LRRN3: variants seen among roughly 807,000 people sequenced by gnomAD.
LRRN3 encodes leucine rich repeat neuronal 3.
In LRRN3, 15 loss-of-function variants were observed where a neutral mutation model predicts 40.1. That is an observed-to-expected ratio of 0.37 (90% confidence interval 0.25 to 0.58). LRRN3 has a LOEUF of 0.58. Ranked by LOEUF, LRRN3 falls within the 20% of genes least tolerant of loss-of-function variation. The probability of loss-of-function intolerance (pLI) is 0.72; values close to 1 mark genes in which losing one functional copy is unlikely to be tolerated. For missense variants in LRRN3, 746 were observed against 837.7 expected (o/e 0.89, Z 1.35); for synonymous variants, 308 against 297.2 (o/e 1.04, Z -0.37).
At chr7:111,096,112 T>C (rs1221014957) in intron 1 of LRRN3, among the ~76,000 whole-genome samples, 1 of 152,076 alleles carries the variant, frequency 6.6e-6, no homozygotes, top group Admixed American at 6.6e-5. Context: ...TAATTGTGAA[T>C]ATTTGTTTAA....
intron 2 of LRRN3, among the ~76,000 whole-genome samples, chr7:111,112,440 G>T (rs1237454776): frequency 1.3e-5 from 2 of 152,150 alleles, no homozygotes; most frequent in African/African-American, 2.4e-5. Context: ...GTTAGGGAAA[G>T]AGCTCATGTC....
At chr7:111,116,913 T>C (rs1799945518) in intron 2 of LRRN3, among the ~76,000 whole-genome samples, 1 of 152,174 alleles carries the variant, frequency 6.6e-6, no homozygotes, top group African/African-American at 2.4e-5. Context: ...GACTGAGCTT[T>C]AGAGGCAAAA....
chr7:111,111,102 A>G (rs1475671208), intron 2 of LRRN3, among the ~76,000 whole-genome samples: 1 of 152,168 alleles, frequency 6.6e-6, no homozygotes, highest in Non-Finnish European at 1.5e-5. Context: ...TTTGTCACTT[A>G]GCTTTCACCT....
rs201925401 is a variant in LRRN3 at position 111,105,760 on chromosome 7, G to GA, written c.-359+5807dup. Among the ~76,000 whole-genome samples, 124 of 150,592 alleles carry GA rather than the reference G, an allele frequency of 8.2e-4. 1 individual carries two copies. The highest frequency in any genetic ancestry group is 3.4e-3 in the Middle Eastern group (1 of 292). On this transcript the variant is annotated intron_variant, in intron 2 of 2. Transcript: ENST00000308478. ...TAACAATTTATGCAAAAGGTGAAAAGAAAAAAAAATCCATAAAAATATAAA... is the reference window on the plus strand; with the variant it reads ...TAACAATTTATGCAAAAGGTGAAAAGAAAAAAAAAATCCATAAAAATATAAA...
At position 111,123,931 on chromosome 7, in the gene LRRN3, C is replaced by A. The variant is rs1167488652; in HGVS notation, c.1159C>A (p.Arg387=). 7 of 1,613,962 alleles carry A rather than the reference C, an allele frequency of 4.3e-6. No homozygotes were observed. The highest frequency in any genetic ancestry group is 5.9e-6 in the Non-Finnish European group (7 of 1,179,992). Residue 387 remains arginine, a synonymous_variant, in exon 3 of 3, where the codon CGA becomes AGA. Transcript: ENST00000308478. The surrounding 1 kb of genome is among the most constrained non-coding windows in gnomAD (Gnocchi z 6.4). The part of the protein sequence containing the change: ...RWMNMNKTNI[R]FMEPDSLFCV... ...GATGAACATGAACAAAACCAACATTCGATTCATGGAGCCAGATTCACTGTT... is the reference window on the plus strand; with the variant it reads ...GATGAACATGAACAAAACCAACATTAGATTCATGGAGCCAGATTCACTGTT...
rs191501993 is a variant in LRRN3 at position 111,122,000 on chromosome 7, G to A, written c.-358-415G>A. 3.7e-3 allele frequency among the ~76,000 whole-genome samples: 555 copies of A among 150,138 alleles called. 2 individuals are homozygous for A. Among genetic ancestry groups the A allele is most frequent in the Middle Eastern group, 0.017 (5 of 288 alleles). ...AGGACAAAAAAACCAAACACCACAT[G>A]TTCTCACTCATAGTTGGGAACTGAA... On this transcript the variant is annotated intron_variant, in intron 2 of 2. Transcript: ENST00000308478.
intron 2 of LRRN3, among the ~76,000 whole-genome samples, chr7:111,115,166 C>T (rs143379863): frequency 1.3e-3 from 191 of 152,254 alleles, no homozygotes; most frequent in African/African-American, 4.3e-3. Flanking sequence ...AAAGGCAAAT[C>T]AGGCAATCAA....
chr7:111,124,950 A>C lies in LRRN3; in HGVS notation c.*51A>C. ...AAATGAACAAAAAAAAAAAAAGCGA[A>C]AGACTGCAGTTGTGCTAAAAACAAA... On this transcript the variant is annotated 3_prime_UTR_variant, in exon 3 of 3. Coordinates refer to ENST00000308478, the MANE Select transcript of LRRN3 (RefSeq NM_001099658.2). 1 of 1,260,012 alleles carries C rather than the reference A, an allele frequency of 7.9e-7. No homozygotes were observed. The highest frequency in any genetic ancestry group is 1.1e-6 in the Non-Finnish European group (1 of 910,026). 78.1% of individuals were successfully genotyped at this position (1,260,012 alleles called of 1,614,324 possible). A position where few individuals can be genotyped will look rare whatever the true frequency, so the allele number is the denominator to read the frequency against.
intron 2 of LRRN3, among the ~76,000 whole-genome samples, chr7:111,110,769 T>A (rs1333231956): frequency 1.3e-5 from 2 of 152,176 alleles, no homozygotes; most frequent in East Asian, 3.8e-4. Flanking sequence ...ATACCAGTTA[T>A]TTAATTATAA....
rs1563267841 is a variant in LRRN3, at chr7:111,122,822, C to T, written c.50C>T (p.Thr17Ile). ...CATGTGCTACTTGGCCTAGCTATCA[C>T]TACACTAGTACAAGCTGTAGATAAA... ...RIHVLLGLAI[T>I]TLVQAVDKKV... is the part of the protein sequence containing the mutation. Residue 17 changes from threonine (T) to isoleucine (I), a missense_variant, in exon 3 of 3, where the codon ACT (threonine) becomes ATT (isoleucine). Coordinates refer to ENST00000308478, the MANE Select transcript of LRRN3 (RefSeq NM_001099658.2). The T allele has an allele frequency of 3.1e-6, 5 of 1,613,862 alleles. No homozygotes were observed. The highest frequency in any genetic ancestry group is 4.2e-6 in the Non-Finnish European group (5 of 1,179,874).
At chr7:111,103,974 T>A (rs2129580828) in intron 2 of LRRN3, among the ~76,000 whole-genome samples, 1 of 151,592 alleles carries the variant, frequency 6.6e-6, no homozygotes, top group Non-Finnish European at 1.5e-5. Flanking sequence ...ATTCAAGAAA[T>A]TTTAGGGTTA....
rs759499803 is a variant in LRRN3 at position 111,124,497 on chromosome 7, C to T, written c.1725C>T (p.Val575=). 1.2e-6 allele frequency: 2 copies of T among 1,613,846 alleles called. No individual in the cohort carries two copies. Among genetic ancestry groups the T allele is most frequent in the Admixed American group, 1.7e-5 (1 of 59,944 alleles). Residue 575 remains valine, a synonymous_variant, in exon 3 of 3, where the codon GTC becomes GTT. Transcript: ENST00000308478. ...AAQSARIPSD[V]KVYNLTHLNP... ...AAAGTGCTCGAATACCATCTGATGT[C>T]AAGGTATATAATCTTACTCATCTGA... is the stretch of plus-strand genomic sequence containing the variant.
intron 2 of LRRN3, among the ~76,000 whole-genome samples, chr7:111,103,940 C>G (rs1353614728): frequency 6.6e-6 from 1 of 151,304 alleles, no homozygotes; most frequent in East Asian, 1.9e-4. Context: ...TACCAGAGAG[C>G]AAAATAAGGC....
At chr7:111,119,922 G>A (rs533036278) in intron 2 of LRRN3, among the ~76,000 whole-genome samples, 41 of 152,238 alleles carry the variant, frequency 2.7e-4, no homozygotes, top group African/African-American at 9.4e-4. Flanking sequence ...TTATATGAAA[G>A]TCTTGTATGA....
At chr7:111,107,084 T>C (rs1798630205) in intron 2 of LRRN3, among the ~76,000 whole-genome samples, 1 of 151,984 alleles carries the variant, frequency 6.6e-6, no homozygotes, top group Non-Finnish European at 1.5e-5. Context: ...GATTTGCAGA[T>C]GCTCATGAAT....
At chr7:111,098,985 TTTTC>T (rs1314789970) in intron 1 of LRRN3, among the ~76,000 whole-genome samples, 3 of 151,890 alleles carry the variant, frequency 2.0e-5, no homozygotes, top group Non-Finnish European at 3.0e-5. Context: ...AGGATTCTTC[TTTTC>T]TTTCTGAGAA....
At chr7:111,116,503 A>C (rs922851532) in intron 2 of LRRN3, among the ~76,000 whole-genome samples, 2 of 152,164 alleles carry the variant, frequency 1.3e-5, no homozygotes, top group African/African-American at 4.8e-5. Flanking sequence ...AACAATAACA[A>C]AAATAATTTT....
At chr7:111,091,947 GT>G (rs1796917439) in intron 1 of LRRN3, among the ~76,000 whole-genome samples, 1 of 152,154 alleles carries the variant, frequency 6.6e-6, no homozygotes, top group African/African-American at 2.4e-5. Flanking sequence ...ATTATTTGTA[GT>G]GAAAAGCAGA....
intron 1 of LRRN3, among the ~76,000 whole-genome samples, chr7:111,099,581 T>G (rs1221575867): frequency 6.6e-6 from 1 of 151,690 alleles, no homozygotes. Flanking sequence ...TTGACTGTCC[T>G]ACAAAACAAA....
Sources: gnomAD v4.1 joint callset for allele counts (sites outside exome capture counted in the v4.1 genomes callset) on GRCh38, gnomAD v4.1.1 for gene constraint, Gnocchi (gnomAD v3.1) non-coding constraint, MANE v1.5 for transcripts, NCBI Gene and HGNC (gene_info 2026-07-23, HGNC 2026-07-21) for gene names.